HIBCH: variants seen among roughly 807,000 people sequenced by gnomAD.
The protein encoded by HIBCH is 3-hydroxyisobutyryl-CoA hydrolase, also known as 3-hydroxyisobutyryl-CoA hydrolase, mitochondrial.
A neutral mutation model predicts 58.2 loss-of-function variants in HIBCH; 50 were observed. That is an observed-to-expected ratio of 0.86 (90% confidence interval 0.68 to 1.09). The LOEUF (loss-of-function observed/expected upper bound fraction) is 1.09. Ranked by LOEUF, HIBCH falls within the 50% of genes least tolerant of loss-of-function variation. The probability of loss-of-function intolerance (pLI) is 0.00; values close to 1 mark genes in which losing one functional copy is unlikely to be tolerated. For missense variants in HIBCH, 450 were observed against 449.7 expected, an observed-to-expected ratio of 1.00 and a Z score of -0.01; for synonymous variants, 151 against 146.9, an observed-to-expected ratio of 1.03 and a Z score of -0.20.
At position 190,205,081 on chromosome 2, in the gene HIBCH, C is replaced by A. The variant is rs1690356970; in HGVS notation, c.*36G>T. 12 of 1,185,016 alleles carry A rather than the reference C, an allele frequency of 1.0e-5. No individual in the cohort carries two copies. The highest frequency in any genetic ancestry group is 1.5e-5 in the Non-Finnish European group (12 of 795,856). 73.4% of individuals were successfully genotyped at this position (1,185,016 alleles called of 1,614,324 possible). On this transcript the variant is annotated 3_prime_UTR_variant, in exon 14 of 14. Transcript: ENST00000359678. The stretch of plus-strand genomic sequence containing the variant: ...TGGCCCACATGCTGTAGATTGCCAA[C>A]CCATGCTACAAAATATACCTTAAAA...
intron 12 of HIBCH, 129 bp downstream of exon 12, chr2:190,212,827 T>C (rs1690543249): frequency 3.9e-6 from 3 of 773,774 alleles, no homozygotes; most frequent in East Asian, 2.7e-5. Flanking sequence ...TGGCCTGTTG[T>C]GTTTTTGTAG....
At chr2:190,245,081 G>T in intron 10 of HIBCH, 113 bp from the exon 11 acceptor site, 1 of 750,326 alleles carries the variant, frequency 1.3e-6, no homozygotes, top group Non-Finnish European at 2.4e-6. Flanking sequence ...ATGAAAAATT[G>T]TCTAACCTCT....
At chr2:190,208,415 T>G (rs956590626) in intron 13 of HIBCH, among the ~76,000 whole-genome samples, 1 of 152,226 alleles carries the variant, frequency 6.6e-6, no homozygotes, top group African/African-American at 2.4e-5. Context: ...ACTTATCAGA[T>G]GCAGTCCATG....
chr2:190,275,168 C>A (rs147485046), intron 6 of HIBCH, among the ~76,000 whole-genome samples: 1 of 151,830 alleles, frequency 6.6e-6, no homozygotes, highest in Non-Finnish European at 1.5e-5. Flanking sequence ...CATTTCTATT[C>A]GAAAATGCAA....
At chr2:190,270,268 C>CATT (rs1687355841) in intron 6 of HIBCH, among the ~76,000 whole-genome samples, 1 of 143,420 alleles carries the variant, frequency 7.0e-6, no homozygotes. Context: ...GTTATTACAC[C>CATT]TTTTTTTTTT....
chr2:190,224,229 G>C (rs925457552), intron 11 of HIBCH, among the ~76,000 whole-genome samples: 1 of 152,238 alleles, frequency 6.6e-6, no homozygotes, highest in South Asian at 2.1e-4. Context: ...CATTGCTGAT[G>C]CTTGAGTACG....
rs1688360870 is a variant in HIBCH, at chr2:190,304,788, C to G, written c.78+5966G>C. On this transcript the variant is annotated intron_variant, in intron 2 of 13. Coordinates refer to ENST00000359678, the MANE Select transcript of HIBCH (RefSeq NM_014362.4). This position sits in a 1 kb window ranked among gnomAD's most constrained non-coding sequence, Gnocchi z 4.1. ...TGTTTTGATTTCCAAGTTTTATGATCTCTTCTACCTCCAAAAGAAACTGAA... is the reference window on the plus strand; with the variant it reads ...TGTTTTGATTTCCAAGTTTTATGATGTCTTCTACCTCCAAAAGAAACTGAA... Among the ~76,000 whole-genome samples, 1 of 152,114 alleles carries G rather than the reference C, an allele frequency of 6.6e-6. No individual in the cohort carries two copies. The highest frequency in any genetic ancestry group is 6.5e-5 in the Admixed American group (1 of 15,268).
intron 1 of HIBCH, among the ~76,000 whole-genome samples, chr2:190,316,093 A>T (rs1244964681): frequency 3.3e-5 from 5 of 152,176 alleles, no homozygotes; most frequent in African/African-American, 1.2e-4. Flanking sequence ...TGCCAGAAAG[A>T]TGCCAACTGT....
rs1687929794 is a variant in HIBCH at position 190,290,414 on chromosome 2, T to C, written c.376A>G (p.Asn126Asp). Residue 126 changes from asparagine (N) to aspartate (D), a missense_variant, in exon 5 of 14, where the codon AAT (asparagine) becomes GAT (aspartate). Asn to Asp is a conservative substitution (Grantham distance 23, BLOSUM62 1). Coordinates refer to ENST00000359678, the MANE Select transcript of HIBCH (RefSeq NM_014362.4). ...AGCAGAATACACATACCAACAGCAT[T>C]ATTCAGCATATATTCTTCTCTGAAG... ...VFFREEYMLN[N>D]AVGSCQKPYV... 1.2e-6 allele frequency: 2 copies of C among 1,605,842 alleles called. No individual in the cohort carries two copies. The highest frequency in any genetic ancestry group is 1.7e-6 in the Non-Finnish European group (2 of 1,172,772).
intron 11 of HIBCH, among the ~76,000 whole-genome samples, chr2:190,229,239 T>A (rs564931579): frequency 6.6e-6 from 1 of 152,154 alleles, no homozygotes; most frequent in Non-Finnish European, 1.5e-5. Context: ...AAAAAATGCA[T>A]TAAAAACAGA....
chr2:190,235,316 G>A (rs1037741534), intron 11 of HIBCH, among the ~76,000 whole-genome samples: 5 of 152,174 alleles, frequency 3.3e-5, no homozygotes, highest in Non-Finnish European at 7.3e-5. Flanking sequence ...ACTGCCCTCA[G>A]CATTCCTTAT....
At chr2:190,319,582 G>A in intron 1 of HIBCH, 134 bp downstream of exon 1, 1 of 753,410 alleles carries the variant, frequency 1.3e-6, no homozygotes, top group Admixed American at 2.0e-5. Context: ...GGAGGGCCAA[G>A]GTTGGGGTCT....
At chr2:190,208,683 TTCAGA>T in intron 13 of HIBCH, 192 bp downstream of exon 13, 1 of 586,574 alleles carries the variant, frequency 1.7e-6, no homozygotes, top group Non-Finnish European at 3.0e-6. Context: ...TTTTTTTTTT[TTCAGA>T]TTTTGGAATA....
intron 11 of HIBCH, among the ~76,000 whole-genome samples, chr2:190,224,076 G>A (rs143457746): frequency 0.012 from 1,784 of 152,292 alleles, 19 homozygotes; most frequent in Non-Finnish European, 0.018. Flanking sequence ...CTTTTCCAAC[G>A]GTCTTAGCAA....
In HIBCH at chr2:190,209,674, C is replaced by T. The variant is rs1167522034; in HGVS notation, c.1012-761G>A. 2.6e-5 allele frequency among the ~76,000 whole-genome samples: 4 copies of T among 152,214 alleles called. No homozygotes were observed. Among genetic ancestry groups the T allele is most frequent in the African/African-American group, 9.7e-5 (4 of 41,442 alleles). On this transcript the variant is annotated intron_variant, in intron 12 of 13. Coordinates refer to ENST00000359678, the MANE Select transcript of HIBCH (RefSeq NM_014362.4). The surrounding 1 kb of genome is among the most constrained non-coding windows in gnomAD (Gnocchi z 5.6). ...TCAATGCCGTGGAGGAAAGGACCAT[C>T]CCTTTTTCAAAGACCAGTCCTCCCT...
chr2:190,197,589 G>C lies in HIBCH; in HGVS notation c.*17+7511C>G, dbSNP rs1575681934. Among the ~76,000 whole-genome samples, 1 of 152,146 alleles carries C rather than the reference G, an allele frequency of 6.6e-6. No homozygotes were observed. The highest frequency in any genetic ancestry group is 3.4e-3 in the Middle Eastern group (1 of 294). ...AGTTGCCACTCTCTGACTCTCCTGG[G>C]GCTCAACTCCCACGGTAATGCTGGG... is the stretch of plus-strand genomic sequence containing the variant. On this transcript the variant is annotated intron_variant, in intron 1 of 1. Coordinates refer to the HIBCH transcript ENST00000399855. The surrounding 1 kb of genome is among the most constrained non-coding windows in gnomAD (Gnocchi z 4.0).
At chr2:190,305,773 CTT>C (rs1688387264) in intron 2 of HIBCH, among the ~76,000 whole-genome samples, 1 of 152,120 alleles carries the variant, frequency 6.6e-6, no homozygotes, top group African/African-American at 2.4e-5. Flanking sequence ...ATCTTAAAAA[CTT>C]ATTTCTATAA....
intron 2 of HIBCH, among the ~76,000 whole-genome samples, chr2:190,297,235 TTAAA>T (rs1173158076): frequency 1.3e-5 from 2 of 152,222 alleles, no homozygotes; most frequent in African/African-American, 4.8e-5. Context: ...TGAAATACCC[TTAAA>T]TATTTTAATT....
intron 5 of HIBCH, 58 bp downstream of exon 5, chr2:190,290,347 A>C (rs370488205): frequency 8.5e-7 from 1 of 1,174,762 alleles, no homozygotes; most frequent in Non-Finnish European, 1.3e-6. Context: ...AACAAAGTAC[A>C]TACTGTCCAC....
Sources: gnomAD v4.1 joint callset for allele counts (sites outside exome capture counted in the v4.1 genomes callset) on GRCh38, gnomAD v4.1.1 for gene constraint, Gnocchi (gnomAD v3.1) non-coding constraint, MANE v1.5 for transcripts, NCBI Gene and HGNC (gene_info 2026-07-23, HGNC 2026-07-21) for gene names.